Variants in VAT1L observed in about 807,000 individuals in gnomAD.
VAT1L encodes vesicle amine transport 1 like.
VAT1L carries 34 observed loss-of-function variants against 44.1 expected under a neutral mutation model. That is an observed-to-expected ratio of 0.77 (90% CI 0.59 to 1.03). The LOEUF is 1.03. Among genes scored for constraint, VAT1L ranks in the 50% least tolerant of loss-of-function variants. The pLI is 0.00. For synonymous variants in VAT1L, 253 were observed against 202.2 expected (o/e 1.25, Z -2.13); for missense variants, 615 against 538.8 (o/e 1.14, Z -1.40).
At chr16:77,922,622 C>G (rs1288250818) in intron 7 of VAT1L, among the ~76,000 whole-genome samples, 1 of 152,102 alleles carries the variant, frequency 6.6e-6, no homozygotes, top group African/African-American at 2.4e-5. Context: ...AGGGAAACAG[C>G]CTCGAAAATA....
At chr16:77,906,789 C>G (rs988990073) in intron 7 of VAT1L, among the ~76,000 whole-genome samples, 1 of 152,206 alleles carries the variant, frequency 6.6e-6, no homozygotes, top group African/African-American at 2.4e-5. Context: ...AGAGCTACCT[C>G]TGGGTGAAGC....
chr16:77,820,771 T>A (rs1010092890), intron 2 of VAT1L, among the ~76,000 whole-genome samples: 1 of 152,114 alleles, frequency 6.6e-6, no homozygotes, highest in African/African-American at 2.4e-5. Flanking sequence ...CTACATGGAG[T>A]TCTTGTGGGA....
chr16:77,919,438 A>T (rs1022491093), intron 7 of VAT1L, among the ~76,000 whole-genome samples: 1 of 152,220 alleles, frequency 6.6e-6, no homozygotes, highest in African/African-American at 2.4e-5. Flanking sequence ...GCCTATTTAA[A>T]ATTAATTAGA....
intron 3 of VAT1L, among the ~76,000 whole-genome samples, chr16:77,826,156 G>T (rs1330144546): frequency 6.7e-6 from 1 of 149,188 alleles, no homozygotes; most frequent in South Asian, 2.1e-4. Flanking sequence ...GCAGTGAGCC[G>T]AGATCCCGCC....
intron 7 of VAT1L, among the ~76,000 whole-genome samples, chr16:77,893,214 C>T (rs2017286860): frequency 6.6e-6 from 1 of 152,138 alleles, no homozygotes; most frequent in African/African-American, 2.4e-5. Context: ...GCTGGTCTGG[C>T]TGGGAGGCTG....
chr16:77,927,130 A>G (rs2017678336), intron 7 of VAT1L, among the ~76,000 whole-genome samples: 1 of 151,990 alleles, frequency 6.6e-6, no homozygotes, highest in Admixed American at 6.6e-5. Flanking sequence ...CCAGGTCAGG[A>G]GATTGAGACC....
chr16:77,875,189 G>A (rs1373645151), intron 4 of VAT1L, among the ~76,000 whole-genome samples: 1 of 152,166 alleles, frequency 6.6e-6, no homozygotes, highest in Non-Finnish European at 1.5e-5. Flanking sequence ...TAGTGGGCTG[G>A]ATTTTGGACA....
intron 7 of VAT1L, among the ~76,000 whole-genome samples, chr16:77,917,078 G>A (rs1031407645): frequency 3.9e-5 from 6 of 152,130 alleles, no homozygotes; most frequent in Non-Finnish European, 8.8e-5. Flanking sequence ...GAGTTAATTT[G>A]TCCCTTGGCC....
intron 1 of VAT1L, among the ~76,000 whole-genome samples, chr16:77,793,836 G>A (rs17773933): frequency 0.066 from 10,123 of 152,290 alleles, 507 homozygotes; most frequent in East Asian, 0.21. Context: ...AATATGTCAC[G>A]AGGGTATAGT....
intron 7 of VAT1L, among the ~76,000 whole-genome samples, chr16:77,938,557 A>G (rs148942929): frequency 2.0e-5 from 3 of 151,978 alleles, no homozygotes; most frequent in Non-Finnish European, 4.4e-5. Flanking sequence ...TGGTTGTTTA[A>G]AAGTGTGTGG....
At chr16:77,877,694 A>G (rs1210358087) in intron 5 of VAT1L, among the ~76,000 whole-genome samples, 1 of 152,132 alleles carries the variant, frequency 6.6e-6, no homozygotes, top group Admixed American at 6.5e-5. Context: ...ATTCTGGCTA[A>G]CTCAGAAAAA....
intron 6 of VAT1L, among the ~76,000 whole-genome samples, chr16:77,883,574 C>T (rs2017177636): frequency 1.3e-5 from 2 of 152,160 alleles, no homozygotes; most frequent in African/African-American, 4.8e-5. Flanking sequence ...TGTTTAGCTG[C>T]ATCCCTGGCT....
In VAT1L at chr16:77,903,412, A is replaced by G. The variant is rs187062233; in HGVS notation, c.1077+18610A>G. ...AGGTAGTTAGTACCTCATATAATACAGTCTTCCTGATCCTTAGTTTCTGAG... is the reference window on the plus strand; with the variant it reads ...AGGTAGTTAGTACCTCATATAATACGGTCTTCCTGATCCTTAGTTTCTGAG... On this transcript the variant is annotated intron_variant, in intron 7 of 8. Coordinates refer to ENST00000302536, the MANE Select transcript of VAT1L (RefSeq NM_020927.3). Among the ~76,000 whole-genome samples the G allele has an allele frequency of 2.6e-5, 4 of 152,322 alleles. No homozygotes were observed. In the East Asian group the frequency reaches 7.7e-4, roughly 29 times the overall value.
chr16:77,970,677 CT>C, intron 7 of VAT1L, among the ~76,000 whole-genome samples: 1 of 152,264 alleles, frequency 6.6e-6, no homozygotes, highest in South Asian at 2.1e-4. Context: ...AATTGAGTAT[CT>C]TTTGTGTAAT....
chr16:77,848,544 C>G (rs2016778478), intron 3 of VAT1L, among the ~76,000 whole-genome samples: 1 of 152,154 alleles, frequency 6.6e-6, no homozygotes, highest in South Asian at 2.1e-4. Flanking sequence ...GTGTTAAGCC[C>G]TTACTGAGGT....
intron 1 of VAT1L, among the ~76,000 whole-genome samples, chr16:77,815,990 G>A (rs1372668847): frequency 3.8e-3 from 132 of 34,538 alleles, no homozygotes; most frequent in Non-Finnish European, 6.9e-3. Flanking sequence ...AAAAAAAAAA[G>A]TACATTAGAA....
intron 4 of VAT1L, among the ~76,000 whole-genome samples, chr16:77,863,801 A>G (rs1597072911): frequency 6.6e-6 from 1 of 152,122 alleles, no homozygotes; most frequent in East Asian, 1.9e-4. Context: ...GGTGAGGCTG[A>G]GCAAGGAGAC....
intron 4 of VAT1L, among the ~76,000 whole-genome samples, 158 bp downstream of exon 4, chr16:77,863,048 G>A (rs1268542316): frequency 6.6e-6 from 1 of 152,202 alleles, no homozygotes; most frequent in African/African-American, 2.4e-5. Flanking sequence ...ACACGCATTA[G>A]TTCATTTAAT....
At chr16:77,897,998 G>C (rs765981786) in intron 7 of VAT1L, among the ~76,000 whole-genome samples, 7 of 152,198 alleles carry the variant, frequency 4.6e-5, no homozygotes, top group Non-Finnish European at 1.0e-4. Flanking sequence ...GAAGTGTAAA[G>C]ATCAAAGTGT....
Sources: allele counts gnomAD v4.1 joint callset (sites outside exome capture counted in the v4.1 genomes callset), GRCh38; gene constraint gnomAD v4.1.1; transcripts MANE v1.5; gene names NCBI Gene and HGNC (gene_info 2026-07-23, HGNC 2026-07-21).